RFLNA: variants seen among roughly 807,000 people sequenced by gnomAD.
RFLNA encodes the protein refilin A.
A neutral mutation model predicts 7.8 loss-of-function variants in RFLNA; 5 were observed. The ratio of observed to expected loss-of-function variants is 0.64; its 90% CI spans 0.34 to 1.35. The LOEUF (loss-of-function observed/expected upper bound fraction) is 1.35, where lower values mean the gene tolerates loss of function less well. RFLNA is among the 40% of genes most tolerant of loss of function. RFLNA has a pLI of 0.04. For synonymous variants in RFLNA, 141 were observed against 131.3 expected, an observed-to-expected ratio of 1.07 and a Z score of -0.50; for missense variants, 278 against 305.5, an observed-to-expected ratio of 0.91 and a Z score of 0.67.
At chr12:124,309,375 G>A (rs2034195726) in intron 1 of RFLNA, among the ~76,000 whole-genome samples, 3 of 152,220 alleles carry the variant, frequency 2.0e-5, no homozygotes, top group Admixed American at 2.0e-4. Context: ...GATTCAGGCA[G>A]CAAGCTGCGA....
intron 1 of RFLNA, among the ~76,000 whole-genome samples, chr12:124,302,321 G>C (rs994869197): frequency 7.9e-5 from 12 of 152,174 alleles, no homozygotes; most frequent in Middle Eastern, 3.2e-3. Context: ...CCCAGCTGGA[G>C]CACTGCCTCC....
intron 1 of RFLNA, among the ~76,000 whole-genome samples, chr12:124,301,955 C>T (rs1264890323): frequency 3.9e-5 from 6 of 152,130 alleles, no homozygotes; most frequent in Non-Finnish European, 7.4e-5. Flanking sequence ...GAGCTGACGG[C>T]GGGGGCACGC....
rs923664955 is a variant in RFLNA at position 124,306,495 on chromosome 12, G to A, written c.208-5323G>A. Among the ~76,000 whole-genome samples the A allele has an allele frequency of 1.3e-5, 2 of 152,094 alleles. No homozygotes were observed. Among genetic ancestry groups the A allele is most frequent in the African/African-American group, 2.4e-5 (1 of 41,404 alleles). On this transcript the variant is annotated intron_variant, in intron 1 of 2. Transcript: ENST00000546355. This position sits in a 1 kb window ranked among gnomAD's most constrained non-coding sequence, Gnocchi z 5.2. ...GGGAGCCTGGAGCTGAGGGGGCAGC[G>A]ATGAGACAGGCCCCTGGGCATGAAA...
At chr12:124,309,363 G>A (rs1360102745) in intron 1 of RFLNA, among the ~76,000 whole-genome samples, 2 of 152,236 alleles carry the variant, frequency 1.3e-5, no homozygotes, top group East Asian at 1.9e-4. Context: ...GGAGCAGTGG[G>A]GGATTCAGGC....
rs1181703716 is a variant in RFLNA, at chr12:124,306,485, A to AG, written c.208-5328dup. Among the ~76,000 whole-genome samples, 1 of 151,970 alleles carries AG rather than the reference A, an allele frequency of 6.6e-6. No homozygotes were observed. The highest frequency in any genetic ancestry group is 1.5e-5 in the Non-Finnish European group (1 of 67,970). ...CCTGTGTCGGGGGAGCCTGGAGCTG[A>AG]GGGGGCAGCGATGAGACAGGCCCCT... On this transcript the variant is annotated intron_variant, in intron 1 of 2. Coordinates refer to ENST00000546355, the MANE Select transcript of RFLNA (RefSeq NM_001365156.1). The surrounding 1 kb of genome is among the most constrained non-coding windows in gnomAD (Gnocchi z 5.2).
At chr12:124,292,569 T>G (rs912074624), upstream of RFLNA, among the ~76,000 whole-genome samples, 1 of 152,196 alleles carries the variant, frequency 6.6e-6, no homozygotes, top group Non-Finnish European at 1.5e-5. Context: ...TCTGAATAGG[T>G]CAGAGGTCAT....
chr12:124,301,918 G>T (rs2034044608), intron 1 of RFLNA, among the ~76,000 whole-genome samples: 2 of 152,214 alleles, frequency 1.3e-5, no homozygotes, highest in African/African-American at 4.8e-5. Flanking sequence ...TCCTCTCAGA[G>T]TTCCGGAGGC....
chr12:124,307,280 G>A (rs986893975), intron 1 of RFLNA, among the ~76,000 whole-genome samples: 2 of 152,190 alleles, frequency 1.3e-5, no homozygotes, highest in Admixed American at 6.5e-5. Flanking sequence ...GTCTCCAGTG[G>A]CCGTGAACCC....
chr12:124,310,279 G>A (rs548234192), intron 1 of RFLNA, among the ~76,000 whole-genome samples: 5 of 150,996 alleles, frequency 3.3e-5, no homozygotes, highest in Non-Finnish European at 7.4e-5. Flanking sequence ...TGGCCCTGAA[G>A]GACCCCCGAG....
chr12:124,303,808 C>T (rs564013956), intron 1 of RFLNA, among the ~76,000 whole-genome samples: 4 of 152,062 alleles, frequency 2.6e-5, no homozygotes, highest in Admixed American at 6.6e-5. Context: ...AACAGGAGCC[C>T]GGGCCTGTGG....
chr12:124,300,498 T>C (rs1461578976), intron 1 of RFLNA, among the ~76,000 whole-genome samples: 1 of 152,118 alleles, frequency 6.6e-6, no homozygotes, highest in Non-Finnish European at 1.5e-5. Flanking sequence ...TTGTCTGTGA[T>C]GGTGAAACTG....
chr12:124,312,636 A>G lies in RFLNA; in HGVS notation c.317+709A>G, dbSNP rs575695515. On this transcript the variant is annotated intron_variant, in intron 2 of 2. Transcript: ENST00000546355. ...CCTGACAGATTGTTAGGTATTCACAACCAAACCATTCAGGCAACTCAGGAC... is the reference window on the plus strand; with the variant it reads ...CCTGACAGATTGTTAGGTATTCACAGCCAAACCATTCAGGCAACTCAGGAC... Among the ~76,000 whole-genome samples the G allele has an allele frequency of 3.3e-5, 5 of 152,234 alleles. No individual in the cohort carries two copies. In the South Asian group the frequency reaches 6.2e-4, roughly 19 times the overall value.
intron 2 of RFLNA, among the ~76,000 whole-genome samples, chr12:124,312,395 C>T (rs1008397717): frequency 1.3e-5 from 2 of 151,504 alleles, no homozygotes; most frequent in Admixed American, 6.6e-5. Flanking sequence ...ACTGCAGCCT[C>T]AACCTCCTGG....
intron 1 of RFLNA, among the ~76,000 whole-genome samples, chr12:124,309,625 C>T (rs573389935): frequency 2.0e-5 from 3 of 152,364 alleles, no homozygotes; most frequent in African/African-American, 7.2e-5. Flanking sequence ...TAAAGCCCCG[C>T]CCTTCACCTC....
In RFLNA at chr12:124,314,189, C is replaced by T. The variant is rs1323904466; in HGVS notation, c.318-3C>T. 2 of 1,608,168 alleles carry T rather than the reference C, an allele frequency of 1.2e-6. No homozygotes were observed. The highest frequency in any genetic ancestry group is 2.2e-5 in the East Asian group (1 of 44,796). ...CACTCCGCTTCCCTCCTGCCCTTTCCAGCTGCAACTCTGAGGTCAAGTACG... is the reference window on the plus strand; with the variant it reads ...CACTCCGCTTCCCTCCTGCCCTTTCTAGCTGCAACTCTGAGGTCAAGTACG... On this transcript the variant is annotated splice_region_variant and splice_polypyrimidine_tract_variant and intron_variant, in intron 2 of 2. Coordinates refer to ENST00000546355, the MANE Select transcript of RFLNA (RefSeq NM_001365156.1).
chr12:124,299,821 GC>G (rs2033994438), intron 1 of RFLNA, among the ~76,000 whole-genome samples: 1 of 141,914 alleles, frequency 7.0e-6, no homozygotes, highest in South Asian at 2.2e-4. Context: ...TGCTGCCTCT[GC>G]TGCCTTTGAG....
chr12:124,310,198 C>T (rs1414799955), intron 1 of RFLNA, among the ~76,000 whole-genome samples: 1 of 31,124 alleles, frequency 3.2e-5, no homozygotes, highest in African/African-American at 8.4e-5. Flanking sequence ...AAAAAAAAAG[C>T]CTTTAGAAAC....
upstream of RFLNA, among the ~76,000 whole-genome samples, chr12:124,290,510 G>C (rs1566317172): frequency 1.3e-5 from 2 of 152,014 alleles, no homozygotes; most frequent in Non-Finnish European, 1.5e-5. The surrounding 1 kb of genome is among the most constrained non-coding windows in gnomAD (Gnocchi z 4.0). Flanking sequence ...GTATGCATCT[G>C]TGTGTATGTG....
chr12:124,290,056 C>T lies in RFLNA; in HGVS notation c.-37+686C>T, dbSNP rs1283313564. On this transcript the variant is annotated intron_variant, in intron 1 of 2. Coordinates refer to the RFLNA transcript ENST00000324038. This position sits in a 1 kb window ranked among gnomAD's most constrained non-coding sequence, Gnocchi z 4.0. Reference sequence around the variant, plus strand: ...CCTTTGAACTCCTCCACTTCAACTTCTTCTGTGGCTACTTTCAAACCCTCA... The same window carrying T: ...CCTTTGAACTCCTCCACTTCAACTTTTTCTGTGGCTACTTTCAAACCCTCA... 1.3e-5 allele frequency among the ~76,000 whole-genome samples: 2 copies of T among 152,222 alleles called. No individual in the cohort carries two copies. Among genetic ancestry groups the T allele is most frequent in the African/African-American group, 4.8e-5 (2 of 41,448 alleles).
Sources: allele counts gnomAD v4.1 joint callset (sites outside exome capture counted in the v4.1 genomes callset), GRCh38; gene constraint gnomAD v4.1.1; non-coding constraint Gnocchi (gnomAD v3.1); transcripts MANE v1.5; gene names NCBI Gene and HGNC (gene_info 2026-07-23, HGNC 2026-07-21).